Variants in LRRN2 observed in about 807,000 individuals in gnomAD.
The protein encoded by LRRN2 is leucine-rich repeat neuronal protein 2.
A neutral mutation model predicts 35.7 loss-of-function variants in LRRN2; 10 were observed. The observed-to-expected ratio is 0.28, with a 90% confidence interval of 0.17 to 0.47. The LOEUF (loss-of-function observed/expected upper bound fraction) is 0.47. Among genes scored for constraint, LRRN2 ranks in the 20% least tolerant of loss-of-function variants. The probability of loss-of-function intolerance (pLI) is 0.99; values close to 1 mark genes in which losing one functional copy is unlikely to be tolerated. For synonymous variants in LRRN2, 391 were observed against 409.6 expected (o/e 0.95, Z 0.55); for missense variants, 731 against 940.3 (o/e 0.78, Z 2.91).
Position 204,618,967 on chromosome 1 carries a change from G to A in LRRN2, c.1026C>T (p.Leu342=). 2 of 1,613,800 alleles carry A rather than the reference G, an allele frequency of 1.2e-6. No individual in the cohort carries two copies. Among genetic ancestry groups the A allele is most frequent in the South Asian group, 1.1e-5 (1 of 91,066 alleles). The change falls in exon 2 of 2, where the codon CTC becomes CTT. Residue 342 remains leucine (L), a synonymous_variant. Coordinates refer to ENST00000367177, the MANE Select transcript of LRRN2 (RefSeq NM_201630.2). ...HHLPQMETLM[L]NNNALSALHQ... ...GCAAGGCACTGAGAGCGTTGTTGTT[G>A]AGCATGAGGGTCTCCATCTGGGGCA...
chr1:204,641,860 A>G (rs957959402), intron 1 of LRRN2, among the ~76,000 whole-genome samples: 63 of 152,366 alleles, frequency 4.1e-4, no homozygotes, highest in African/African-American at 1.5e-3. Flanking sequence ...TGGCTCTACT[A>G]TAGCTCAGCT....
At chr1:204,680,489 C>T (rs563167134) in intron 1 of LRRN2, among the ~76,000 whole-genome samples, 2 of 152,232 alleles carry the variant, frequency 1.3e-5, no homozygotes, top group Non-Finnish European at 2.9e-5. Context: ...TAAAAGGCAG[C>T]CCCCTCAGGC....
chr1:204,680,423 C>T (rs1196918165), intron 1 of LRRN2, among the ~76,000 whole-genome samples: 1 of 152,158 alleles, frequency 6.6e-6, no homozygotes, highest in Non-Finnish European at 1.5e-5. Context: ...GGTGTGGGTG[C>T]AAGAAACACA....
chr1:204,640,481 C>T (rs963499759), intron 1 of LRRN2, among the ~76,000 whole-genome samples: 3 of 152,182 alleles, frequency 2.0e-5, no homozygotes, highest in Non-Finnish European at 2.9e-5. Flanking sequence ...TGGGACTTCT[C>T]CCCCTCCTGG....
chr1:204,683,400 G>C (rs1668995230), intron 1 of LRRN2, among the ~76,000 whole-genome samples: 1 of 151,986 alleles, frequency 6.6e-6, no homozygotes, highest in Non-Finnish European at 1.5e-5. Context: ...AGCAGTGTGA[G>C]GGGGAAAAGG....
chr1:204,683,972 C>T (rs948352191), intron 1 of LRRN2, among the ~76,000 whole-genome samples: 2 of 152,222 alleles, frequency 1.3e-5, no homozygotes, highest in African/African-American at 4.8e-5. Context: ...CCTCTACCCT[C>T]CATGCCCAGT....
intron 1 of LRRN2, among the ~76,000 whole-genome samples, chr1:204,670,143 C>A (rs971154673): frequency 2.0e-5 from 3 of 152,060 alleles, no homozygotes; most frequent in Non-Finnish European, 2.9e-5. Flanking sequence ...GCAAAGTCAG[C>A]CTGAACTAGT....
At chr1:204,640,418 A>G (rs1009787681) in intron 1 of LRRN2, among the ~76,000 whole-genome samples, 5 of 152,210 alleles carry the variant, frequency 3.3e-5, no homozygotes, top group African/African-American at 1.2e-4. Flanking sequence ...CATAGAGGCC[A>G]CCAAACAAGG....
At chr1:204,668,003 C>T (rs910126102) in intron 1 of LRRN2, among the ~76,000 whole-genome samples, 3 of 152,174 alleles carry the variant, frequency 2.0e-5, no homozygotes, top group South Asian at 2.1e-4. Context: ...TGACCATCCT[C>T]GTTCCTCACT....
At chr1:204,655,427 A>G (rs1180878564) in intron 1 of LRRN2, among the ~76,000 whole-genome samples, 2 of 152,080 alleles carry the variant, frequency 1.3e-5, no homozygotes, top group African/African-American at 4.8e-5. Context: ...AGCTGGGACT[A>G]CTGGCATGTG....
At chr1:204,676,916 T>A (rs1420676984) in intron 1 of LRRN2, among the ~76,000 whole-genome samples, 1 of 152,182 alleles carries the variant, frequency 6.6e-6, no homozygotes, top group Non-Finnish European at 1.5e-5. Flanking sequence ...GCTCTGCCAC[T>A]TGCTGGCTGT....
intron 1 of LRRN2, among the ~76,000 whole-genome samples, chr1:204,666,624 T>C (rs898467790): frequency 1.3e-5 from 2 of 152,144 alleles, no homozygotes; most frequent in Non-Finnish European, 2.9e-5. Context: ...TAACTACTGA[T>C]ATAGGCAACT....
At position 204,617,545 on chromosome 1, in the gene LRRN2, C is replaced by G; in HGVS notation, c.*306G>C. On this transcript the variant is annotated 3_prime_UTR_variant, in exon 2 of 2. Coordinates refer to ENST00000367177, the MANE Select transcript of LRRN2 (RefSeq NM_201630.2). ...GGGACACAGGTAGGGGACAGCCAAG[C>G]CAGGCCCAGGAGCCTCTGGGCAGAG... 2.6e-6 allele frequency: 1 copy of G among 379,920 alleles called. No individual in the cohort carries two copies. The highest frequency in any genetic ancestry group is 4.8e-6 in the Non-Finnish European group (1 of 207,766). 23.5% of individuals were successfully genotyped at this position (379,920 alleles called of 1,614,324 possible).
intron 1 of LRRN2, among the ~76,000 whole-genome samples, chr1:204,662,088 C>G (rs1668484352): frequency 6.6e-6 from 1 of 152,208 alleles, no homozygotes; most frequent in Non-Finnish European, 1.5e-5. Context: ...AGTTCTGTAT[C>G]TGTATCTTCA....
At position 204,618,763 on chromosome 1, in the gene LRRN2, C is replaced by G. The variant is rs1167411832; in HGVS notation, c.1230G>C (p.Glu410Asp). Reference sequence around the variant, plus strand: ...GGTCCGTCATCTCCCGGAAGGGCACCTCACGGACCGGGAGGCGCTGGAGGT... The same window carrying G: ...GGTCCGTCATCTCCCGGAAGGGCACGTCACGGACCGGGAGGCGCTGGAGGT... Reference protein sequence around the residue: ...PPDLQRLPVREVPFREMTDHC... With the variant: ...PPDLQRLPVRDVPFREMTDHC... Residue 410 changes from glutamate to aspartate, a missense_variant, in exon 2 of 2, where the codon GAG becomes GAC. Physicochemically the swap from Glu to Asp is conservative, Grantham distance 45. Around this residue, in one of 3 missense-constraint regions of LRRN2, gnomAD observed 256 missense variants for 392.4 expected, o/e 0.65. Coordinates refer to ENST00000367177, the MANE Select transcript of LRRN2 (RefSeq NM_201630.2). The G allele has an allele frequency of 6.2e-7, 1 of 1,612,962 alleles. No individual in the cohort carries two copies. Among genetic ancestry groups the G allele is most frequent in the Non-Finnish European group, 8.5e-7 (1 of 1,179,388 alleles).
chr1:204,633,092 TG>T (rs1667750786), intron 1 of LRRN2: 1 of 152,076 alleles, frequency 6.6e-6, no homozygotes. Flanking sequence ...AATAAATTAC[TG>T]TTTTAAAAGG....
At position 204,617,776 on chromosome 1, in the gene LRRN2, A is replaced by G. The variant is rs1175442963; in HGVS notation, c.*75T>C. 1.3e-6 allele frequency: 2 copies of G among 1,529,138 alleles called. No individual in the cohort carries two copies. The highest frequency in any genetic ancestry group is 1.8e-6 in the Non-Finnish European group (2 of 1,109,604). 94.7% of individuals were successfully genotyped at this position (1,529,138 alleles called of 1,614,324 possible). On this transcript the variant is annotated 3_prime_UTR_variant, in exon 2 of 2. Coordinates refer to ENST00000367177, the MANE Select transcript of LRRN2 (RefSeq NM_201630.2). ...GTCCATGTCCCTTTCCTGGCAGGGC[A>G]TCTGGCCCAGACTGCTTCTCTTTTG...
intron 1 of LRRN2, among the ~76,000 whole-genome samples, chr1:204,625,058 A>T (rs779909721): frequency 6.6e-6 from 1 of 152,116 alleles, no homozygotes; most frequent in Non-Finnish European, 1.5e-5. Context: ...CACAACCAGA[A>T]CCTCAGAGCT....
intron 1 of LRRN2, among the ~76,000 whole-genome samples, chr1:204,671,753 G>A (rs1049912009): frequency 4.0e-5 from 6 of 151,256 alleles, no homozygotes; most frequent in African/African-American, 1.5e-4. Flanking sequence ...AAATTTGACT[G>A]GCTAAAAAAT....
Sources: gnomAD v4.1 joint callset for allele counts (sites outside exome capture counted in the v4.1 genomes callset) on GRCh38, gnomAD v4.1.1 for gene constraint, gnomAD v4.1.1 regional missense constraint, MANE v1.5 for transcripts, NCBI Gene and HGNC (gene_info 2026-07-23, HGNC 2026-07-21) for gene names.